The following LST1 variants were observed in gnomAD, a reference collection of about 807,000 sequenced individuals.
LST1 encodes the protein leukocyte specific transcript 1.
Under a neutral mutation model 8.5 loss-of-function variants are expected in LST1, and 9 were observed. The ratio of observed to expected loss-of-function variants is 1.06; its 90% CI spans 0.64 to 1.85. The LOEUF is 1.85. Ranked by LOEUF, LST1 falls within the 40% of genes most tolerant of loss-of-function variation. The pLI, the probability that LST1 is intolerant of heterozygous loss-of-function variation, is 0.00. For missense variants in LST1, 121 were observed against 117.1 expected (o/e 1.03, Z -0.16); for synonymous variants, 53 against 50.4 (o/e 1.05, Z -0.21).
intron 4 of LST1, 113 bp from the exon 5 acceptor site, chr6:31,588,405 A>C: frequency 1.8e-6 from 1 of 565,454 alleles, no homozygotes; most frequent in Non-Finnish European, 2.8e-6. Context: ...AGAGAGAGGG[A>C]GAGAGAGAGA....
chr6:31,587,374 G>T, intron 2 of LST1, 56 bp downstream of exon 2: 1 of 1,594,650 alleles, frequency 6.3e-7, no homozygotes, highest in Non-Finnish European at 8.6e-7. Flanking sequence ...CTTAGGAAGT[G>T]ATGGGGAACA....
rs1772087674 is a variant in LST1 at position 31,587,668 on chromosome 6, T to C, written c.47T>C (p.Leu16Pro). The C allele has an allele frequency of 1.2e-6, 2 of 1,604,150 alleles. No homozygotes were observed. Among genetic ancestry groups the C allele is most frequent in the Non-Finnish European group, 1.7e-6 (2 of 1,176,376 alleles). The change falls in exon 3 of 5, where the codon CTG becomes CCG. Residue 16 changes from leucine to proline, a missense_variant. Coordinates refer to ENST00000438075, the MANE Select transcript of LST1 (RefSeq NM_205839.3). Reference protein sequence around the residue: ...DDICIYGGLGLGGLLLLAVVL... With the variant: ...DDICIYGGLGPGGLLLLAVVL... ...ATATGTATCTACGGGGGCCTGGGGC[T>C]GGGCGGGCTCCTGCTTCTGGCAGTG...
intron 4 of LST1, 129 bp from the exon 5 acceptor site, chr6:31,588,389 A>AGAGAGAGAGAGG: frequency 1.1e-6 from 1 of 889,352 alleles, no homozygotes; most frequent in Non-Finnish European, 1.7e-6. Context: ...AGAGAGAGAG[A>AGAGAGAGAGAGG]GAGAGAGAGA....
chr6:31,587,875 G>C, intron 3 of LST1, 69 bp from the exon 4 acceptor site: 3 of 1,574,070 alleles, frequency 1.9e-6, no homozygotes, highest in Admixed American at 1.8e-5. Flanking sequence ...CCTGCTGGTG[G>C]GGGGAGCCCG....
At chr6:31,588,407 A>C in intron 4 of LST1, 111 bp from the exon 5 acceptor site, 1 of 1,014,694 alleles carries the variant, frequency 9.9e-7, no homozygotes, top group Non-Finnish European at 1.4e-6. Flanking sequence ...AGAGAGGGAG[A>C]GAGAGAGAGA....
intron 2 of LST1, 108 bp from the exon 3 acceptor site, chr6:31,587,533 C>T: frequency 1.2e-6 from 1 of 803,066 alleles, no homozygotes; most frequent in Non-Finnish European, 2.0e-6. Flanking sequence ...TATTTTTCTG[C>T]CTCTAAAACT....
At chr6:31,587,036 G>T (rs1298163014) in intron 1 of LST1, 164 bp from the exon 2 acceptor site, 1 of 585,076 alleles carries the variant, frequency 1.7e-6, no homozygotes, top group East Asian at 2.8e-5. Flanking sequence ...ACCTAGTAAA[G>T]TCCAGGCTTG....
chr6:31,587,518 G>C lies in LST1; in HGVS notation c.20-123G>C, dbSNP rs1016796330. The C allele has an allele frequency of 1.7e-5, 14 of 801,464 alleles. No individual in the cohort carries two copies. In the African/African-American group the frequency reaches 2.2e-4, roughly 13 times the overall value. 49.6% of individuals were successfully genotyped at this position (801,464 alleles called of 1,614,324 possible). ...AAGGTCTGGGATGGAGAAGCTCTGAGGGTATATTTTTCTGCCTCTAAAACT... is the reference window on the plus strand; with the variant it reads ...AAGGTCTGGGATGGAGAAGCTCTGACGGTATATTTTTCTGCCTCTAAAACT... On this transcript the variant is annotated intron_variant, in intron 2 of 4. Transcript: ENST00000438075.
chr6:31,588,425 A>AGG, intron 4 of LST1, 93 bp from the exon 5 acceptor site: 1 of 1,314,726 alleles, frequency 7.6e-7, no homozygotes, highest in Non-Finnish European at 1.1e-6. Context: ...AGAGAGAGGG[A>AGG]GAGAAGTAAG....
intron 1 of LST1, chr6:31,586,702 T>G (rs1291422623): frequency 6.5e-6 from 1 of 153,114 alleles, no homozygotes; most frequent in Non-Finnish European, 1.5e-5. Flanking sequence ...ATGCCCCACT[T>G]CAGCCCTAGC....
rs776401271 is a variant in LST1, at chr6:31,588,779, A to T, written c.*103A>T. On this transcript the variant is annotated 3_prime_UTR_variant, in exon 5 of 5. Transcript: ENST00000438075. ...CCCACTTCTGTGTCTCAGTCCTCTC[A>T]GTCCATCTCGAGCCTCCGTTCAAAT... The T allele has an allele frequency of 7.7e-7, 1 of 1,300,872 alleles. No homozygotes were observed. The highest frequency in any genetic ancestry group is 1.2e-5 in the South Asian group (1 of 84,654). The allele number at this position is 1,300,872 out of a possible 1,614,324, so 80.6% of individuals were successfully genotyped here.
chr6:31,586,991 C>T, intron 1 of LST1: 1 of 530,790 alleles, frequency 1.9e-6, no homozygotes. Context: ...GCAGAGCTGG[C>T]CTTAAACCCC....
intron 4 of LST1, chr6:31,588,189 T>C (rs1257709791): frequency 1.8e-6 from 1 of 550,742 alleles, no homozygotes; most frequent in East Asian, 2.9e-5. Context: ...AGGGAGAAAA[T>C]GAGAGTGAGA....
In LST1 at chr6:31,588,580, C is replaced by T; in HGVS notation, c.198C>T (p.Ser66=). 6.2e-7 allele frequency: 1 copy of T among 1,612,974 alleles called. No individual in the cohort carries two copies. The highest frequency in any genetic ancestry group is 8.5e-7 in the Non-Finnish European group (1 of 1,179,950). Residue 66 remains serine, a synonymous_variant, in exon 5 of 5, where the codon AGC becomes AGT. Coordinates refer to ENST00000438075, the MANE Select transcript of LST1 (RefSeq NM_205839.3). ...YASLQRLPVP[S]SEGPDLRGRD... is the part of the protein sequence containing the mutation. ...CTCTGCAGAGGCTGCCAGTGCCCAG[C>T]AGTGAGGGACCTGACCTCAGGGGCA...
In LST1 at chr6:31,587,334, C is replaced by G; in HGVS notation, c.19+16C>G. 6.2e-7 allele frequency: 1 copy of G among 1,613,368 alleles called. No individual in the cohort carries two copies. Among genetic ancestry groups the G allele is most frequent in the Non-Finnish European group, 8.5e-7 (1 of 1,179,342 alleles). On this transcript the variant is annotated intron_variant, in intron 2 of 4. Transcript: ENST00000438075. Reference sequence around the variant, plus strand: ...CGGAATGATGGTAAGTAAAGTGTCTCTTGCATCTGCATAGAGAGAGTCCTG... The same window carrying G: ...CGGAATGATGGTAAGTAAAGTGTCTGTTGCATCTGCATAGAGAGAGTCCTG...
In LST1 at chr6:31,588,816, A is replaced by C. The variant is rs1401376377; in HGVS notation, c.*140A>C. The C allele has an allele frequency of 1.9e-6, 2 of 1,026,894 alleles. No homozygotes were observed. The highest frequency in any genetic ancestry group is 3.2e-5 in the African/African-American group (2 of 62,346). 63.6% of individuals were successfully genotyped at this position (1,026,894 alleles called of 1,614,324 possible). ...GCCTCCGTTCAAATTGATCATCATC[A>C]AAACTTATGTGGCTTTTTGACCTTT... On this transcript the variant is annotated 3_prime_UTR_variant, in exon 5 of 5. Coordinates refer to ENST00000438075, the MANE Select transcript of LST1 (RefSeq NM_205839.3).
At chr6:31,588,221 T>C (rs1772175307) in intron 4 of LST1, 1 of 562,168 alleles carries the variant, frequency 1.8e-6, no homozygotes, top group East Asian at 2.9e-5. Context: ...AGAAGAGCAA[T>C]GAAAGAGAGA....
At position 31,588,404 on chromosome 6, in the gene LST1, GA is replaced by G. The variant is rs1772244856; in HGVS notation, c.136-113del. 5 of 687,414 alleles carry G rather than the reference GA, an allele frequency of 7.3e-6. No individual in the cohort carries two copies. In the African/African-American group the frequency reaches 7.7e-5, roughly 11 times the overall value. 42.6% of individuals were successfully genotyped at this position (687,414 alleles called of 1,614,324 possible). On this transcript the variant is annotated intron_variant, in intron 4 of 4. Coordinates refer to ENST00000438075, the MANE Select transcript of LST1 (RefSeq NM_205839.3). ...AGAGAGAGAGAGAGAGAGAGAGAGG[GA>G]GAGAGAGAGAGAGAGAGGGAGAGAA...
chr6:31,587,257 C>T lies in LST1; in HGVS notation c.-43C>T. 1.4e-6 allele frequency: 2 copies of T among 1,380,144 alleles called. No individual in the cohort carries two copies. Among genetic ancestry groups the T allele is most frequent in the Non-Finnish European group, 2.1e-6 (2 of 966,792 alleles). 85.5% of individuals were successfully genotyped at this position (1,380,144 alleles called of 1,614,324 possible). A position where few individuals can be genotyped will look rare whatever the true frequency, so the allele number is the denominator to read the frequency against. On this transcript the variant is annotated 5_prime_UTR_variant, in exon 2 of 5. Coordinates refer to ENST00000438075, the MANE Select transcript of LST1 (RefSeq NM_205839.3). The stretch of plus-strand genomic sequence containing the variant: ...ATCATTTCGCCTAAAAGAGCAAGGA[C>T]TAGAGTTCCTGACCTCCAGGCCAGT...
Sources: allele counts gnomAD v4.1 joint callset, GRCh38; gene constraint gnomAD v4.1.1; transcripts MANE v1.5; gene names NCBI Gene and HGNC (gene_info 2026-07-23, HGNC 2026-07-21).